The following PIEZO2 variants were observed in gnomAD, a reference collection of about 807,000 sequenced individuals.
The protein encoded by PIEZO2 is piezo type mechanosensitive ion channel component 2.
PIEZO2 carries 172 observed loss-of-function variants against 337.3 expected under a neutral mutation model. The observed-to-expected ratio is 0.51, with a 90% confidence interval of 0.45 to 0.58. PIEZO2 has a LOEUF of 0.58. Ranked by LOEUF, PIEZO2 falls within the 20% of genes least tolerant of loss-of-function variation. The pLI, the probability that PIEZO2 is intolerant of heterozygous loss-of-function variation, is 0.00. For synonymous variants in PIEZO2, 1,251 were observed against 1,228.5 expected, an observed-to-expected ratio of 1.02 and a Z score of -0.38; for missense variants, 3,028 against 3,391.3, an observed-to-expected ratio of 0.89 and a Z score of 2.66.
chr18:10,775,743 T>C lies in PIEZO2; in HGVS notation c.2535-1705A>G, dbSNP rs1437485906. Among the ~76,000 whole-genome samples, 4 of 152,076 alleles carry C rather than the reference T, an allele frequency of 2.6e-5. No individual in the cohort carries two copies. Among genetic ancestry groups the C allele is most frequent in the Non-Finnish European group, 5.9e-5 (4 of 68,018 alleles). On this transcript the variant is annotated intron_variant, in intron 18 of 55. Coordinates refer to ENST00000674853, the MANE Select transcript of PIEZO2 (RefSeq NM_001378183.1). This position sits in a 1 kb window ranked among gnomAD's most constrained non-coding sequence, Gnocchi z 4.3. ...GACACTGGAGTAAGCCTTTTGGAAG[T>C]AGGTCCACAAGGCTGATTTCTAGAA...
rs1736635738 is a variant in PIEZO2 at position 10,677,823 on chromosome 18, G to A, written c.8005C>T (p.Pro2669Ser). ...TTCTTTCGAGTAATATTTTTAAGAG[G>A]AAAAGAAAGCTTATCTGTTGCTATT... is the stretch of plus-strand genomic sequence containing the variant. ...SEIATDKLSF[P>S]LKNITRKNIA... Residue 2669 changes from proline to serine, a missense_variant, in exon 53 of 56, where the codon CCT becomes TCT. Around this residue, in one of 5 missense-constraint regions of PIEZO2, gnomAD observed 332 missense variants for 363.8 expected, o/e 0.91. Coordinates refer to ENST00000674853, the MANE Select transcript of PIEZO2 (RefSeq NM_001378183.1). The surrounding 1 kb of genome is among the most constrained non-coding windows in gnomAD (Gnocchi z 4.1). 1 of 1,608,740 alleles carries A rather than the reference G, an allele frequency of 6.2e-7. No individual in the cohort carries two copies. The highest frequency in any genetic ancestry group is 8.5e-7 in the Non-Finnish European group (1 of 1,178,742).
chr18:10,886,971 C>A (rs111527626), intron 4 of PIEZO2, among the ~76,000 whole-genome samples: 9 of 151,270 alleles, frequency 5.9e-5, no homozygotes, highest in African/African-American at 2.2e-4. Flanking sequence ...AGTTTTCAAT[C>A]GTGGCAGAAG....
rs116396947 is a variant in PIEZO2, at chr18:10,826,466, A to G, written c.918-19192T>C. ...ATTTACTTATTTGTTTAATCACTCT[A>G]TACATGTATAGTGATTTCAGAACTG... is the stretch of plus-strand genomic sequence containing the variant. On this transcript the variant is annotated intron_variant, in intron 7 of 55. Coordinates refer to ENST00000674853, the MANE Select transcript of PIEZO2 (RefSeq NM_001378183.1). Among the ~76,000 whole-genome samples, 1,356 of 152,266 alleles carry G rather than the reference A, an allele frequency of 8.9e-3. 25 individuals are homozygous for G. Among genetic ancestry groups the G allele is most frequent in the African/African-American group, 0.031 (1,290 of 41,546 alleles).
intron 5 of PIEZO2, among the ~76,000 whole-genome samples, chr18:10,865,714 A>G (rs771419344): frequency 1.1e-4 from 17 of 152,146 alleles, no homozygotes; most frequent in Admixed American, 2.0e-4. Context: ...TGGAAATTCT[A>G]TTTCAGGGGT....
At position 10,750,441 on chromosome 18, in the gene PIEZO2, TA is replaced by T. The variant is rs2037603122; in HGVS notation, c.4168-255del. 6.6e-6 allele frequency among the ~76,000 whole-genome samples: 1 copy of T among 152,208 alleles called. No homozygotes were observed. The highest frequency in any genetic ancestry group is 1.5e-5 in the Non-Finnish European group (1 of 68,038). ...TTTTCTGTACTTGGAAGCACCAGTTTATCAAGAAGAAATCTTGGACGATCAT... is the reference window on the plus strand; with the variant it reads ...TTTTCTGTACTTGGAAGCACCAGTTTTCAAGAAGAAATCTTGGACGATCAT... On this transcript the variant is annotated intron_variant, in intron 28 of 55. Coordinates refer to ENST00000674853, the MANE Select transcript of PIEZO2 (RefSeq NM_001378183.1). This position sits in a 1 kb window ranked among gnomAD's most constrained non-coding sequence, Gnocchi z 4.1.
At chr18:11,040,256 C>A (rs2037071741) in intron 2 of PIEZO2, among the ~76,000 whole-genome samples, 1 of 152,136 alleles carries the variant, frequency 6.6e-6, no homozygotes, top group Admixed American at 6.5e-5. Context: ...TTATTGACAC[C>A]TTACGCTTAC....
chr18:10,970,154 G>T (rs1018580178), intron 3 of PIEZO2, among the ~76,000 whole-genome samples: 1 of 152,316 alleles, frequency 6.6e-6, no homozygotes, highest in East Asian at 1.9e-4. Context: ...CCCTCTACCT[G>T]GGGGTATTAA....
intron 48 of PIEZO2, among the ~76,000 whole-genome samples, chr18:10,690,551 G>C (rs979981393): frequency 6.6e-6 from 1 of 152,170 alleles, no homozygotes; most frequent in African/African-American, 2.4e-5. Context: ...GGCTAGCACT[G>C]TATGAAACAC....
In PIEZO2 at chr18:11,051,521, C is replaced by G. The variant is rs2037537403; in HGVS notation, c.160+14606G>C. ...TTGGAGCACATTTCTTCTCAACTAG[C>G]CCCCAATAAATAACTGATTCTCCCA... On this transcript the variant is annotated intron_variant, in intron 2 of 55. Transcript: ENST00000674853. Among the ~76,000 whole-genome samples, 4 of 152,038 alleles carry G rather than the reference C, an allele frequency of 2.6e-5. No individual in the cohort carries two copies. In the South Asian group the frequency reaches 8.3e-4, roughly 32 times the overall value.
intron 44 of PIEZO2, among the ~76,000 whole-genome samples, chr18:10,698,716 A>G (rs1249998860): frequency 1.3e-5 from 2 of 152,174 alleles, no homozygotes; most frequent in African/African-American, 4.8e-5. Flanking sequence ...GTCCTGAGAT[A>G]CAATAAGGTG....
At chr18:10,882,208 G>A (rs1476020158) in intron 4 of PIEZO2, among the ~76,000 whole-genome samples, 1 of 152,160 alleles carries the variant, frequency 6.6e-6, no homozygotes, top group Non-Finnish European at 1.5e-5. Flanking sequence ...GACCATGGCA[G>A]GACTATCGCC....
intron 8 of PIEZO2, among the ~76,000 whole-genome samples, chr18:10,804,351 C>T (rs1363560426): frequency 6.6e-6 from 1 of 152,192 alleles, no homozygotes; most frequent in Non-Finnish European, 1.5e-5. Flanking sequence ...ACCGTGTAAG[C>T]CAGCTGCCGG....
intron 36 of PIEZO2, among the ~76,000 whole-genome samples, chr18:10,718,570 C>A (rs931243324): frequency 1.3e-5 from 2 of 152,140 alleles, no homozygotes; most frequent in East Asian, 3.8e-4. Context: ...GTTGAAAAAT[C>A]TAAAGGAGAA....
rs1217615685 is a variant in PIEZO2, at chr18:10,973,687, C to T, written c.286+5848G>A. ...GGAGAGAAGAAGGCTGTGTGTTGTG[C>T]CTGAATGAGTTAGGGAATGGAAAGA... On this transcript the variant is annotated intron_variant, in intron 3 of 55. Transcript: ENST00000674853. This position sits in a 1 kb window ranked among gnomAD's most constrained non-coding sequence, Gnocchi z 4.9. Among the ~76,000 whole-genome samples the T allele has an allele frequency of 1.3e-5, 2 of 152,036 alleles. No individual in the cohort carries two copies. The highest frequency in any genetic ancestry group is 2.9e-5 in the Non-Finnish European group (2 of 68,022).
At chr18:10,770,413 T>G in intron 20 of PIEZO2, 105 bp from the exon 21 acceptor site, 1 of 1,182,294 alleles carries the variant, frequency 8.5e-7, no homozygotes, top group Non-Finnish European at 1.1e-6. Flanking sequence ...GCAAAATAAT[T>G]ACAGTGGATG....
chr18:11,084,003 C>G (rs1292476734), intron 1 of PIEZO2, among the ~76,000 whole-genome samples: 1 of 151,892 alleles, frequency 6.6e-6, no homozygotes, highest in Non-Finnish European at 1.5e-5. Flanking sequence ...ATGGCAAAAC[C>G]CTGTTTCTAC....
chr18:11,059,436 G>T (rs887089970), intron 2 of PIEZO2, among the ~76,000 whole-genome samples: 2 of 152,196 alleles, frequency 1.3e-5, no homozygotes, highest in African/African-American at 4.8e-5. Flanking sequence ...TGGGCTAAAT[G>T]CTCCAATTAA....
intron 3 of PIEZO2, among the ~76,000 whole-genome samples, chr18:10,936,770 G>C (rs1305188988): frequency 1.3e-5 from 2 of 152,180 alleles, no homozygotes; most frequent in Non-Finnish European, 2.9e-5. Flanking sequence ...AATATTGAAA[G>C]CTCAATTTTG....
chr18:11,057,460 T>C (rs2037772741), intron 2 of PIEZO2, among the ~76,000 whole-genome samples: 1 of 152,244 alleles, frequency 6.6e-6, no homozygotes, highest in Non-Finnish European at 1.5e-5. Context: ...TGTCTTTTGA[T>C]AATTCCCTTC....
Sources: allele counts gnomAD v4.1 joint callset (sites outside exome capture counted in the v4.1 genomes callset), GRCh38; gene constraint gnomAD v4.1.1; regional missense constraint gnomAD v4.1.1; non-coding constraint Gnocchi (gnomAD v3.1); transcripts MANE v1.5; gene names NCBI Gene and HGNC (gene_info 2026-07-23, HGNC 2026-07-21).